ZNF541: variants seen among roughly 807,000 people sequenced by gnomAD.
ZNF541 encodes zinc finger protein 541.
A neutral mutation model predicts 123.5 loss-of-function variants in ZNF541; 23 were observed. The ratio of observed to expected loss-of-function variants is 0.19; its 90% CI spans 0.13 to 0.26. ZNF541 has a LOEUF of 0.26. Ranked by LOEUF, ZNF541 falls within the 10% of genes least tolerant of loss-of-function variation. The pLI, the probability that ZNF541 is intolerant of heterozygous loss-of-function variation, is 1.00. For synonymous variants in ZNF541, 751 were observed against 754.5 expected (o/e 1.00, Z 0.08); for missense variants, 1,612 against 1,789.9 (o/e 0.90, Z 1.79).
intron 2 of ZNF541, among the ~76,000 whole-genome samples, chr19:47,563,099 T>C (rs1008108895): frequency 6.6e-6 from 1 of 152,222 alleles, no homozygotes; most frequent in Non-Finnish European, 1.5e-5. Context: ...ATGTCTGCAT[T>C]GCATGTTATA....
Position 47,521,823 on chromosome 19 carries a change from A to G in ZNF541, c.3711+31T>C, listed in dbSNP as rs111244844. 8 of 1,545,484 alleles carry G rather than the reference A, an allele frequency of 5.2e-6. No homozygotes were observed. In the African/African-American group the frequency reaches 6.9e-5, roughly 13 times the overall value. On this transcript the variant is annotated intron_variant, in intron 15 of 16. Transcript: ENST00000391901. This position sits in a 1 kb window ranked among gnomAD's most constrained non-coding sequence, Gnocchi z 4.2. ...GGGTAGCAGGCACTGGGAGGAGAGA[A>G]GAGCTCCCGACACAGCCCTGGTTCC...
chr19:47,548,391 C>T (rs569020327), intron 4 of ZNF541, among the ~76,000 whole-genome samples: 70 of 134,580 alleles, frequency 5.2e-4, no homozygotes, highest in African/African-American at 1.6e-3. Context: ...TGTAGTGAGC[C>T]GAGATCGTGC....
intron 2 of ZNF541, among the ~76,000 whole-genome samples, chr19:47,569,654 G>A (rs2123438211): frequency 6.6e-6 from 1 of 152,120 alleles, no homozygotes; most frequent in South Asian, 2.1e-4. Context: ...CTTGAGTCCA[G>A]GAGTTCAAGA....
chr19:47,541,627 C>T (rs1970084972), intron 5 of ZNF541, among the ~76,000 whole-genome samples: 1 of 152,074 alleles, frequency 6.6e-6, no homozygotes, highest in Non-Finnish European at 1.5e-5. Context: ...TAGAAAGATA[C>T]ACAGATGGCC....
chr19:47,555,550 C>T lies in ZNF541; in HGVS notation c.307G>A (p.Asp103Asn). Residue 103 changes from aspartate to asparagine, a missense_variant and splice_region_variant, in exon 3 of 17, where the codon GAC becomes AAC. Around this residue, in one of 5 missense-constraint regions of ZNF541, gnomAD observed 212 missense variants for 289.6 expected, o/e 0.73. Coordinates refer to ENST00000391901, the MANE Select transcript of ZNF541 (RefSeq NM_001277075.3). ...CCTTCTACCCAGGTGACAGCCTCAC[C>T]TTGTAAGGATGCCTGAGACTCCGAA... ...ADSESQASLQ[D>N]LGLGVLKAKE... 6.5e-7 allele frequency: 1 copy of T among 1,537,176 alleles called. No individual in the cohort carries two copies. Among genetic ancestry groups the T allele is most frequent in the Non-Finnish European group, 8.8e-7 (1 of 1,137,954 alleles).
At chr19:47,527,825 G>A (rs542285030) in intron 14 of ZNF541, among the ~76,000 whole-genome samples, 12 of 151,640 alleles carry the variant, frequency 7.9e-5, no homozygotes, top group African/African-American at 2.4e-4. Context: ...TCAGCCTCCC[G>A]AGTAGCTGGG....
chr19:47,540,440 G>GA, intron 6 of ZNF541, 105 bp from the exon 7 acceptor site: 2 of 1,215,530 alleles, frequency 1.6e-6, no homozygotes, highest in Non-Finnish European at 2.2e-6. Flanking sequence ...CCAATCCACT[G>GA]ACTTTTTTTT....
chr19:47,532,070 C>G, intron 11 of ZNF541, 58 bp downstream of exon 11: 1 of 1,540,438 alleles, frequency 6.5e-7, no homozygotes, highest in Non-Finnish European at 8.8e-7. Context: ...GGAAAAACAC[C>G]CTGGAAATGG....
At chr19:47,540,124 C>A (rs2123071680) in intron 7 of ZNF541, 52 bp downstream of exon 7, 1 of 1,522,224 alleles carries the variant, frequency 6.6e-7, no homozygotes, top group East Asian at 2.5e-5. Context: ...TTACTCCCCA[C>A]AGGCCTGCCA....
rs965014429 is a variant in ZNF541 at position 47,544,735 on chromosome 19, C to T, written c.1794G>A (p.Pro598=). ...CAGGAGCCAGTGGTGGGGGCTGCTG[C>T]GGCCACGGCCCCTGCAGCGGCCTCA... ...AALRPLQGPW[P]QQPPPLAPAV... Residue 598 remains proline, a synonymous_variant, in exon 5 of 17, where the codon CCG becomes CCA. Transcript: ENST00000391901. The T allele has an allele frequency of 2.7e-6, 4 of 1,498,548 alleles. No homozygotes were observed. The highest frequency in any genetic ancestry group is 1.3e-5 in the South Asian group (1 of 78,110). The allele number at this position is 1,498,548 out of a possible 1,614,324, so 92.8% of individuals were successfully genotyped here.
chr19:47,556,637 T>C (rs1970832970), intron 2 of ZNF541, among the ~76,000 whole-genome samples: 3 of 152,048 alleles, frequency 2.0e-5, no homozygotes, highest in African/African-American at 7.2e-5. Context: ...TGTGGCTGGC[T>C]TGAACTGAGA....
At position 47,530,608 on chromosome 19, in the gene ZNF541, T is replaced by C. The variant is rs565186260; in HGVS notation, c.3406-956A>G. Reference sequence around the variant, plus strand: ...TGTGGGGCCCACTGCAAAATGAAGATGCAGGACTCCTTGTTTAAAAAGTAT... The same window carrying C: ...TGTGGGGCCCACTGCAAAATGAAGACGCAGGACTCCTTGTTTAAAAAGTAT... On this transcript the variant is annotated intron_variant, in intron 12 of 16. Transcript: ENST00000391901. Among the ~76,000 whole-genome samples, 37 of 152,318 alleles carry C rather than the reference T, an allele frequency of 2.4e-4. 1 individual carries two copies. In the East Asian group the frequency reaches 7.0e-3, roughly 29 times the overall value.
intron 9 of ZNF541, among the ~76,000 whole-genome samples, chr19:47,537,028 G>A (rs1286626029): frequency 6.6e-6 from 1 of 152,140 alleles, no homozygotes; most frequent in Non-Finnish European, 1.5e-5. Flanking sequence ...TCCTGAATAG[G>A]CAAATCCAAA....
At position 47,538,883 on chromosome 19, in the gene ZNF541, G is replaced by A. The variant is rs564550617; in HGVS notation, c.2797-444C>T. ...TTCAGTAGGGGGTCCTCCAGTACAGGCTGCAGAGACAAGCCCTACGAGACT... is the reference window on the plus strand; with the variant it reads ...TTCAGTAGGGGGTCCTCCAGTACAGACTGCAGAGACAAGCCCTACGAGACT... On this transcript the variant is annotated intron_variant, in intron 8 of 16. Coordinates refer to ENST00000391901, the MANE Select transcript of ZNF541 (RefSeq NM_001277075.3). Among the ~76,000 whole-genome samples the A allele has an allele frequency of 7.2e-5, 11 of 152,236 alleles. No individual in the cohort carries two copies. In the South Asian group the frequency reaches 1.2e-3, roughly 17 times the overall value.
rs115067010 is a variant in ZNF541, at chr19:47,557,759, A to G, written c.-98-1805T>C. On this transcript the variant is annotated intron_variant, in intron 2 of 16. Transcript: ENST00000391901. ...AAGGCTGAGGCAGGAGGATCACTTC[A>G]GCCTGGGAGCTTATAGACTTTTACA... Among the ~76,000 whole-genome samples, 1,486 of 152,166 alleles carry G rather than the reference A, an allele frequency of 9.8e-3. 21 individuals carry two copies. Among genetic ancestry groups the G allele is most frequent in the African/African-American group, 0.034 (1,405 of 41,506 alleles).
intron 12 of ZNF541, among the ~76,000 whole-genome samples, chr19:47,531,416 G>A (rs1437344668): frequency 2.0e-5 from 3 of 151,954 alleles, no homozygotes; most frequent in Non-Finnish European, 4.4e-5. Context: ...GAACCCCTGC[G>A]CTTGATTGTT....
intron 3 of ZNF541, among the ~76,000 whole-genome samples, chr19:47,554,430 C>T (rs368494615): frequency 6.6e-6 from 1 of 150,496 alleles, no homozygotes; most frequent in African/African-American, 2.4e-5. Context: ...GACTCCGTCT[C>T]AAAAAAAAAG....
rs148952295 is a variant in ZNF541, at chr19:47,535,166, G to A, written c.3095-2194C>T. On this transcript the variant is annotated intron_variant, in intron 9 of 16. Transcript: ENST00000391901. ...GACGGGATTTCACCATGTTGGCCAG[G>A]CTGGTCTTGAGCTCCTGACCTCGTG... Among the ~76,000 whole-genome samples, 497 of 152,218 alleles carry A rather than the reference G, an allele frequency of 3.3e-3. 3 individuals are homozygous for A. The highest frequency in any genetic ancestry group is 0.011 in the African/African-American group (470 of 41,532).
intron 2 of ZNF541, among the ~76,000 whole-genome samples, chr19:47,560,838 A>T (rs1971033124): frequency 6.6e-6 from 1 of 152,160 alleles, no homozygotes; most frequent in Admixed American, 6.6e-5. Context: ...AGGTGAATGG[A>T]TCAACAAACT....
Sources: allele counts gnomAD v4.1 joint callset (sites outside exome capture counted in the v4.1 genomes callset), GRCh38; gene constraint gnomAD v4.1.1; regional missense constraint gnomAD v4.1.1; non-coding constraint Gnocchi (gnomAD v3.1); transcripts MANE v1.5; gene names NCBI Gene and HGNC (gene_info 2026-07-23, HGNC 2026-07-21).